The following ANGPT1 variants were observed in gnomAD, a reference collection of about 807,000 sequenced individuals.
The protein encoded by ANGPT1 is angiopoietin 1.
In ANGPT1, 17 loss-of-function variants were observed where a neutral mutation model predicts 62.2. The ratio of observed to expected loss-of-function variants is 0.27; its 90% confidence interval spans 0.19 to 0.41. ANGPT1 has a LOEUF of 0.41. Ranked by LOEUF, ANGPT1 falls within the 10% of genes least tolerant of loss-of-function variation. The pLI is 1.00. For synonymous variants in ANGPT1, 199 were observed against 198.9 expected (o/e 1.00, Z 0.00); for missense variants, 478 against 594.9 (o/e 0.80, Z 2.04).
rs141377403 is a variant in ANGPT1 at position 107,434,516 on chromosome 8, G to C, written c.297+62746C>G. On this transcript the variant is annotated intron_variant, in intron 1 of 8. Transcript: ENST00000517746. ...AGAAAGTCCAGGGGAATAAGCTCAA[G>C]GACCTGAATTCAGTAGAGGAGATGA... Among the ~76,000 whole-genome samples the C allele has an allele frequency of 8.3e-3, 1,264 of 152,164 alleles. 8 individuals carry two copies. Among genetic ancestry groups the C allele is most frequent in the Non-Finnish European group, 0.013 (896 of 68,022 alleles).
At chr8:107,456,963 T>C (rs989835910) in intron 1 of ANGPT1, among the ~76,000 whole-genome samples, 8 of 152,102 alleles carry the variant, frequency 5.3e-5, no homozygotes, top group African/African-American at 1.9e-4. Context: ...AATAAAGCAG[T>C]ATTTTTATGA....
chr8:107,389,870 G>C (rs570887280), intron 1 of ANGPT1, among the ~76,000 whole-genome samples: 8 of 151,698 alleles, frequency 5.3e-5, no homozygotes, highest in African/African-American at 1.9e-4. Context: ...CAAGGGTGCT[G>C]TACCATCCCT....
intron 4 of ANGPT1, among the ~76,000 whole-genome samples, chr8:107,310,967 A>G (rs112699587): frequency 0.014 from 1,421 of 99,460 alleles, 16 homozygotes; most frequent in African/African-American, 0.051. Flanking sequence ...GTGTGTGTGT[A>G]TGAGTGTGTA....
At chr8:107,466,980 T>G (rs1812220299) in intron 1 of ANGPT1, among the ~76,000 whole-genome samples, 1 of 152,022 alleles carries the variant, frequency 6.6e-6, no homozygotes, top group African/African-American at 2.4e-5. Flanking sequence ...CTACCTTAAG[T>G]TAGGACTTCC....
At chr8:107,308,662 A>G (rs1814779134) in intron 4 of ANGPT1, among the ~76,000 whole-genome samples, 1 of 152,220 alleles carries the variant, frequency 6.6e-6, no homozygotes, top group Admixed American at 6.5e-5. Flanking sequence ...CTGGTATGCT[A>G]GTTCAAAGAC....
At chr8:107,262,233 A>T (rs1813509369) in intron 8 of ANGPT1, among the ~76,000 whole-genome samples, 1 of 152,184 alleles carries the variant, frequency 6.6e-6, no homozygotes, top group Admixed American at 6.5e-5. Context: ...ACTTTCACCT[A>T]TACTCTACCA....
At chr8:107,327,357 A>G (rs1157880628) in intron 3 of ANGPT1, among the ~76,000 whole-genome samples, 1 of 152,028 alleles carries the variant, frequency 6.6e-6, no homozygotes, top group Non-Finnish European at 1.5e-5. Flanking sequence ...GGTTGATATG[A>G]AGGACAACAC....
At chr8:107,342,831 A>AC (rs1554584319) in intron 2 of ANGPT1, among the ~76,000 whole-genome samples, 19 of 127,684 alleles carry the variant, frequency 1.5e-4, no homozygotes, top group Admixed American at 6.8e-4. Flanking sequence ...ACACACACAC[A>AC]AGTGTATATA....
intron 1 of ANGPT1, among the ~76,000 whole-genome samples, chr8:107,389,431 C>T (rs978267961): frequency 4.6e-5 from 7 of 151,940 alleles, no homozygotes; most frequent in South Asian, 4.2e-4. Flanking sequence ...TGCAGGGGGA[C>T]GGGAGGAGTA....
intron 1 of ANGPT1, among the ~76,000 whole-genome samples, chr8:107,480,553 T>C (rs758684746): frequency 3.3e-5 from 5 of 152,204 alleles, no homozygotes; most frequent in Non-Finnish European, 7.3e-5. Flanking sequence ...CAGCAGACTA[T>C]CCACACACAT....
intron 1 of ANGPT1, among the ~76,000 whole-genome samples, chr8:107,400,807 A>G (rs2130330070): frequency 6.6e-6 from 1 of 152,084 alleles, no homozygotes; most frequent in South Asian, 2.1e-4. Flanking sequence ...TGATCCGTCC[A>G]CCTCGGCCTC....
At chr8:107,440,856 G>A (rs1811456212) in intron 1 of ANGPT1, among the ~76,000 whole-genome samples, 1 of 152,070 alleles carries the variant, frequency 6.6e-6, no homozygotes, top group Non-Finnish European at 1.5e-5. Flanking sequence ...TTTTAAAGTT[G>A]ATCCTGCCAT....
chr8:107,412,542 C>T (rs1810617057), intron 1 of ANGPT1, among the ~76,000 whole-genome samples: 2 of 152,104 alleles, frequency 1.3e-5, no homozygotes, highest in South Asian at 4.2e-4. Context: ...TACATGTATA[C>T]ATTCAAAAGA....
chr8:107,438,122 G>T (rs1428262083), intron 1 of ANGPT1, among the ~76,000 whole-genome samples: 1 of 152,168 alleles, frequency 6.6e-6, no homozygotes, highest in Non-Finnish European at 1.5e-5. Flanking sequence ...AAGGAAGAAA[G>T]CTCTTTTATT....
intron 3 of ANGPT1, among the ~76,000 whole-genome samples, chr8:107,330,959 G>T (rs1357090531): frequency 6.6e-6 from 1 of 152,026 alleles, no homozygotes; most frequent in East Asian, 1.9e-4. Flanking sequence ...TAGTATGTAG[G>T]TGTTCTATTT....
intron 1 of ANGPT1, among the ~76,000 whole-genome samples, chr8:107,489,796 T>A (rs929443506): frequency 6.6e-6 from 1 of 151,964 alleles, no homozygotes; most frequent in African/African-American, 2.4e-5. Context: ...CCTCAGACCA[T>A]GGGGCCAAAA....
chr8:107,464,665 G>A (rs538554160), intron 1 of ANGPT1, among the ~76,000 whole-genome samples: 9 of 152,162 alleles, frequency 5.9e-5, no homozygotes, highest in Admixed American at 5.9e-4. Context: ...TTAATTCTCA[G>A]TGCCCCAACT....
At chr8:107,452,490 AT>A (rs927796307) in intron 1 of ANGPT1, among the ~76,000 whole-genome samples, 1 of 150,666 alleles carries the variant, frequency 6.6e-6, no homozygotes, top group Non-Finnish European at 1.5e-5. Context: ...CTTTATTTTT[AT>A]TTTTTTATTT....
chr8:107,348,768 C>T (rs1815867344), intron 1 of ANGPT1, among the ~76,000 whole-genome samples: 1 of 151,986 alleles, frequency 6.6e-6, no homozygotes, highest in Non-Finnish European at 1.5e-5. Context: ...TTCCTAATAG[C>T]ATTCTTTAAC....
Sources: allele counts gnomAD v4.1 joint callset (sites outside exome capture counted in the v4.1 genomes callset), GRCh38; gene constraint gnomAD v4.1.1; transcripts MANE v1.5; gene names NCBI Gene and HGNC (gene_info 2026-07-23, HGNC 2026-07-21).